Variants in SYNE1 observed in about 807,000 individuals in gnomAD.
SYNE1 encodes the protein nesprin-1.
A neutral mutation model predicts 1,111.0 loss-of-function variants in SYNE1; 616 were observed. The ratio of observed to expected loss-of-function variants is 0.55; its 90% CI spans 0.52 to 0.59. The LOEUF (loss-of-function observed/expected upper bound fraction) is 0.59. SYNE1 is among the 20% of genes least tolerant of loss of function. The pLI is 0.00. For synonymous variants in SYNE1, 3,855 were observed against 3,825.8 expected (o/e 1.01, Z -0.28); for missense variants, 10,006 against 10,417.0 (o/e 0.96, Z 1.72).
At chr6:152,154,241 A>G (rs1488791002) in intron 133 of SYNE1, among the ~76,000 whole-genome samples, 2 of 152,182 alleles carry the variant, frequency 1.3e-5, no homozygotes, top group African/African-American at 4.8e-5. Flanking sequence ...AGTGGACTCG[A>G]GATTGTGCAA....
At chr6:152,600,735 TG>T (rs1373611888) in intron 3 of SYNE1, among the ~76,000 whole-genome samples, 5 of 152,158 alleles carry the variant, frequency 3.3e-5, no homozygotes, top group Non-Finnish European at 7.4e-5. Context: ...AACGAAGAGA[TG>T]GGAAAGAATT....
In SYNE1 at chr6:152,212,972, C is replaced by A. The variant is rs182407758; in HGVS notation, c.22494+640G>T. Among the ~76,000 whole-genome samples the A allele has an allele frequency of 5.1e-3, 782 of 152,168 alleles. 8 individuals are homozygous for A. Among genetic ancestry groups the A allele is most frequent in the African/African-American group, 0.016 (657 of 41,516 alleles). On this transcript the variant is annotated intron_variant, in intron 123 of 145. Coordinates refer to ENST00000367255, the MANE Select transcript of SYNE1 (RefSeq NM_182961.4). The stretch of plus-strand genomic sequence containing the variant: ...GTTTTTCTTTTCTCTTAGGTAAGAC[C>A]TATCTCTCCATGTGCATATCATTCA...
intron 130 of SYNE1, among the ~76,000 whole-genome samples, chr6:152,166,149 C>T (rs1267380332): frequency 6.6e-6 from 1 of 152,122 alleles, no homozygotes; most frequent in Non-Finnish European, 1.5e-5. Flanking sequence ...TTTCTCCCTT[C>T]CTTATTTTAG....
At chr6:152,491,500 C>A (rs1306411074) in intron 11 of SYNE1, among the ~76,000 whole-genome samples, 1 of 152,174 alleles carries the variant, frequency 6.6e-6, no homozygotes, top group Non-Finnish European at 1.5e-5. Flanking sequence ...GAACTTAAAA[C>A]CTCTTCATCT....
intron 11 of SYNE1, among the ~76,000 whole-genome samples, chr6:152,490,730 C>T (rs140364811): frequency 1.5e-3 from 228 of 152,274 alleles, no homozygotes; most frequent in Non-Finnish European, 2.6e-3. Flanking sequence ...GCTCTTCACA[C>T]GGACACACGT....
At chr6:152,585,688 G>A (rs1043579967) in intron 3 of SYNE1, among the ~76,000 whole-genome samples, 10 of 151,892 alleles carry the variant, frequency 6.6e-5, no homozygotes, top group African/African-American at 2.4e-4. Flanking sequence ...TTGGTTCTGG[G>A]TTTCTGACAA....
intron 117 of SYNE1, among the ~76,000 whole-genome samples, chr6:152,223,523 G>A (rs1046193578): frequency 1.9e-4 from 29 of 152,162 alleles, no homozygotes; most frequent in African/African-American, 6.8e-4. Flanking sequence ...GGAGGCTGAG[G>A]CAGAGAATTG....
intron 6 of SYNE1, among the ~76,000 whole-genome samples, chr6:152,519,700 A>G (rs2099129510): frequency 6.6e-6 from 1 of 152,182 alleles, no homozygotes; most frequent in African/African-American, 2.4e-5. Context: ...AAAATCAGTG[A>G]GCAAAAGTTT....
At position 152,294,009 on chromosome 6, in the gene SYNE1, G is replaced by A; in HGVS notation, c.17801C>T (p.Thr5934Ile). 1 of 1,614,168 alleles carries A rather than the reference G, an allele frequency of 6.2e-7. No homozygotes were observed. The highest frequency in any genetic ancestry group is 8.5e-7 in the Non-Finnish European group (1 of 1,180,034). The stretch of plus-strand genomic sequence containing the variant: ...ACGCTGCAAATCACCCAGTTTGGCA[G>A]TAGCGGATGGCTCCAATCCCGGTTC... Reference protein sequence around the residue: ...FYEPGLEPSATAKLGDLQRSW... With the variant: ...FYEPGLEPSAIAKLGDLQRSW... The change falls in exon 94 of 146, where the codon ACT becomes ATT. Residue 5934 changes from threonine (T) to isoleucine (I), a missense_variant. Thr to Ile is a moderately conservative substitution (Grantham distance 89). Transcript: ENST00000367255.
At chr6:152,296,913 C>T (rs1314465896) in intron 93 of SYNE1, among the ~76,000 whole-genome samples, 1 of 152,178 alleles carries the variant, frequency 6.6e-6, no homozygotes, top group African/African-American at 2.4e-5. Context: ...TCATTTTTAT[C>T]ACCAGGGTGG....
rs913918050 is a variant in SYNE1 at position 152,308,996 on chromosome 6, T to C, written c.17203-364A>G. Reference sequence around the variant, plus strand: ...AATACTGAATATATAGGTAAGACACTTATCTAAGTGCTACGGTAGGGAATA... The same window carrying C: ...AATACTGAATATATAGGTAAGACACCTATCTAAGTGCTACGGTAGGGAATA... On this transcript the variant is annotated intron_variant, in intron 90 of 145. Coordinates refer to ENST00000367255, the MANE Select transcript of SYNE1 (RefSeq NM_182961.4). 5.9e-5 allele frequency among the ~76,000 whole-genome samples: 9 copies of C among 152,186 alleles called. No homozygotes were observed. The South Asian group carries it at 6.2e-4, about 11-fold the overall frequency.
intron 9 of SYNE1, among the ~76,000 whole-genome samples, chr6:152,504,722 C>T (rs1291407043): frequency 1.3e-5 from 2 of 152,298 alleles, no homozygotes; most frequent in East Asian, 3.9e-4. Flanking sequence ...AGTCTTAGCA[C>T]TCACGCCCTT....
At chr6:152,603,109 G>A (rs959725692) in intron 3 of SYNE1, among the ~76,000 whole-genome samples, 1 of 152,148 alleles carries the variant, frequency 6.6e-6, no homozygotes, top group African/African-American at 2.4e-5. Flanking sequence ...TCATTGCCAG[G>A]AACATGAGAC....
At chr6:152,207,888 A>T in intron 125 of SYNE1, 84 bp downstream of exon 125, 1 of 1,283,078 alleles carries the variant, frequency 7.8e-7, no homozygotes, top group Non-Finnish European at 1.1e-6. Context: ...GTCACTCTAG[A>T]GTCCTTTTGA....
chr6:152,162,605 C>A (rs1374694203), intron 131 of SYNE1, among the ~76,000 whole-genome samples: 1 of 152,176 alleles, frequency 6.6e-6, no homozygotes, highest in African/African-American at 2.4e-5. Flanking sequence ...ACAATTCAAT[C>A]ATCAGAATCT....
intron 3 of SYNE1, among the ~76,000 whole-genome samples, chr6:152,593,413 T>C (rs2099572430): frequency 6.6e-6 from 1 of 152,166 alleles, no homozygotes; most frequent in South Asian, 2.1e-4. Context: ...TGAAACCCCA[T>C]CTCAACTAAA....
chr6:152,319,618 T>C (rs1414625634), intron 84 of SYNE1, among the ~76,000 whole-genome samples: 2 of 152,166 alleles, frequency 1.3e-5, no homozygotes, highest in Non-Finnish European at 2.9e-5. Flanking sequence ...ATTCACACTG[T>C]TGCTTAGAAT....
At chr6:152,160,573 T>G (rs1294048668) in intron 131 of SYNE1, among the ~76,000 whole-genome samples, 2 of 152,232 alleles carry the variant, frequency 1.3e-5, no homozygotes, top group African/African-American at 4.8e-5. Flanking sequence ...TATAGCATAG[T>G]AGTACGTAGC....
At chr6:152,538,170 C>A (rs2099252701) in intron 4 of SYNE1, among the ~76,000 whole-genome samples, 1 of 152,122 alleles carries the variant, frequency 6.6e-6, no homozygotes, top group Non-Finnish European at 1.5e-5. Flanking sequence ...CATAATTGTG[C>A]ATAGCTGTTG....
Sources: allele counts gnomAD v4.1 joint callset (sites outside exome capture counted in the v4.1 genomes callset), GRCh38; gene constraint gnomAD v4.1.1; transcripts MANE v1.5; gene names NCBI Gene and HGNC (gene_info 2026-07-23, HGNC 2026-07-21).